The following PRKN variants were observed in gnomAD, a reference collection of about 807,000 sequenced individuals.
The protein encoded by PRKN is parkin RBR E3 ubiquitin protein ligase.
Under a neutral mutation model 59.5 loss-of-function variants are expected in PRKN, and 56 were observed. That is an observed-to-expected ratio of 0.94 (90% CI 0.76 to 1.18). PRKN has a LOEUF of 1.18. PRKN is among the 50% of genes most tolerant of loss of function. The pLI, the probability that PRKN is intolerant of heterozygous loss-of-function variation, is 0.00. For missense variants in PRKN, 657 were observed against 596.4 expected (o/e 1.10, Z -1.06); for synonymous variants, 250 against 222.1 (o/e 1.13, Z -1.12).
chr6:161,995,512 C>T (rs1033831171), intron 5 of PRKN, among the ~76,000 whole-genome samples: 1 of 152,022 alleles, frequency 6.6e-6, no homozygotes, highest in Non-Finnish European at 1.5e-5. Flanking sequence ...ATTCATTCAA[C>T]AAGGGACTAA....
chr6:162,151,923 C>T (rs2849566), intron 4 of PRKN, among the ~76,000 whole-genome samples: 146,331 of 152,234 alleles, frequency 0.96, 70,521 homozygotes, highest in Non-Finnish European at 1. Flanking sequence ...AAAACACAAA[C>T]ATAGAAAGTG....
At chr6:162,081,884 A>G (rs1270422417) in intron 4 of PRKN, among the ~76,000 whole-genome samples, 1 of 152,102 alleles carries the variant, frequency 6.6e-6, no homozygotes, top group Non-Finnish European at 1.5e-5. Context: ...TAGGTCTTCT[A>G]CATAACTTGA....
At chr6:162,356,772 A>T (rs1055711918) in intron 2 of PRKN, among the ~76,000 whole-genome samples, 1 of 141,678 alleles carries the variant, frequency 7.1e-6, no homozygotes. Flanking sequence ...AAAAAAAAAG[A>T]TAAGATAGAC....
At chr6:161,367,275 C>G (rs889991512) in intron 10 of PRKN, among the ~76,000 whole-genome samples, 1 of 151,910 alleles carries the variant, frequency 6.6e-6, no homozygotes, top group African/African-American at 2.4e-5. Context: ...GCCACCGCGC[C>G]CGGCCGTGTC....
chr6:161,715,494 T>G (rs1239413491), intron 7 of PRKN, among the ~76,000 whole-genome samples: 1 of 152,210 alleles, frequency 6.6e-6, no homozygotes, highest in Non-Finnish European at 1.5e-5. Context: ...TATGTGTTCA[T>G]TAAAAATAAA....
intron 6 of PRKN, among the ~76,000 whole-genome samples, chr6:161,874,156 TTATATATAATATATAA>T (rs1794501239): frequency 2.7e-4 from 5 of 18,628 alleles, no homozygotes; most frequent in Non-Finnish European, 3.6e-4. Flanking sequence ...ATAATATATA[TTATATATAATATATAA>T]TATATATTAT....
chr6:162,493,584 A>C (rs1792918708), intron 1 of PRKN, among the ~76,000 whole-genome samples: 2 of 152,254 alleles, frequency 1.3e-5, no homozygotes, highest in African/African-American at 4.8e-5. Context: ...TCAGCTTATA[A>C]CTAAGAAGAC....
chr6:161,945,584 C>A (rs1269202540), intron 6 of PRKN, among the ~76,000 whole-genome samples: 1 of 152,140 alleles, frequency 6.6e-6, no homozygotes, highest in Non-Finnish European at 1.5e-5. Flanking sequence ...TTAACAGTAA[C>A]CTATCTTTCT....
chr6:162,460,293 T>C (rs975750872), intron 1 of PRKN, among the ~76,000 whole-genome samples: 5 of 152,172 alleles, frequency 3.3e-5, no homozygotes, highest in Admixed American at 3.3e-4. Context: ...TCCATTGATA[T>C]TGAATGTCTA....
In PRKN at chr6:162,262,546, A is replaced by G; in HGVS notation, c.391T>C (p.Ser131Pro). 6.2e-7 allele frequency: 1 copy of G among 1,614,080 alleles called. No individual in the cohort carries two copies. Among genetic ancestry groups the G allele is most frequent in the Non-Finnish European group, 8.5e-7 (1 of 1,179,976 alleles). The change falls in exon 3 of 12, where the codon TCA (serine) becomes CCA (proline). Residue 131 changes from serine to proline, a missense_variant. Coordinates refer to ENST00000366898, the MANE Select transcript of PRKN (RefSeq NM_004562.3). ...TTACCTGGACTTCCAGCTGGTGGTG[A>G]GTCCTTCCTGCTGTCAGTGTGCAGA... ...VILHTDSRKDSPPAGSPAGRS... is the reference protein window; with the variant it reads ...VILHTDSRKDPPPAGSPAGRS...
At chr6:161,744,523 G>A (rs1036639399) in intron 7 of PRKN, among the ~76,000 whole-genome samples, 5 of 152,098 alleles carry the variant, frequency 3.3e-5, no homozygotes, top group African/African-American at 4.8e-5. Flanking sequence ...ATGGCCCAGG[G>A]CTTCGAGATC....
chr6:162,089,792 G>A (rs1027620773), intron 4 of PRKN, among the ~76,000 whole-genome samples: 7 of 152,168 alleles, frequency 4.6e-5, no homozygotes, highest in Non-Finnish European at 7.3e-5. Context: ...AGAAGACCAC[G>A]TATTACATGT....
intron 2 of PRKN, among the ~76,000 whole-genome samples, chr6:162,434,787 T>G (rs9365431): frequency 6.6e-6 from 1 of 152,018 alleles, no homozygotes; most frequent in African/African-American, 2.4e-5. Context: ...TACTCCCATA[T>G]GTATTCATCA....
chr6:162,180,546 A>G (rs1783759674), intron 4 of PRKN, among the ~76,000 whole-genome samples: 1 of 152,304 alleles, frequency 6.6e-6, no homozygotes, highest in Non-Finnish European at 1.5e-5. Context: ...CTCACCAAAA[A>G]GAATTGTCGG....
chr6:162,301,084 G>A (rs777577812), intron 2 of PRKN, among the ~76,000 whole-genome samples: 8 of 151,638 alleles, frequency 5.3e-5, no homozygotes, highest in South Asian at 4.2e-4. Flanking sequence ...AGAAGAAATC[G>A]TTTAATTGTA....
At chr6:162,539,665 T>G (rs1375069762) in intron 1 of PRKN, among the ~76,000 whole-genome samples, 4 of 152,184 alleles carry the variant, frequency 2.6e-5, no homozygotes, top group Non-Finnish European at 5.9e-5. Flanking sequence ...GTTTAGGAAC[T>G]AGATCCTGAT....
chr6:162,028,940 A>T (rs1035346240), intron 5 of PRKN, among the ~76,000 whole-genome samples: 1 of 152,224 alleles, frequency 6.6e-6, no homozygotes, highest in East Asian at 1.9e-4. Context: ...AGCTCTTTGG[A>T]GAGTCCCATA....
At chr6:161,435,746 G>C (rs1788848929) in intron 9 of PRKN, among the ~76,000 whole-genome samples, 1 of 149,264 alleles carries the variant, frequency 6.7e-6, no homozygotes, top group South Asian at 2.2e-4. Flanking sequence ...AATATAGTTA[G>C]TTTTCCAGGC....
At chr6:161,888,105 A>G (rs1285953485) in intron 6 of PRKN, among the ~76,000 whole-genome samples, 2 of 152,194 alleles carry the variant, frequency 1.3e-5, no homozygotes, top group African/African-American at 4.8e-5. Context: ...CTTGACATCA[A>G]TGGAGAAATT....
Sources: gnomAD v4.1 joint callset for allele counts (sites outside exome capture counted in the v4.1 genomes callset) on GRCh38, gnomAD v4.1.1 for gene constraint, MANE v1.5 for transcripts, NCBI Gene and HGNC (gene_info 2026-07-23, HGNC 2026-07-21) for gene names.